AP3D1: variants seen among roughly 807,000 people sequenced by gnomAD.
AP3D1 encodes the protein adaptor related protein complex 3 subunit delta 1, also known as AP-3 complex subunit delta-1.
In AP3D1, 51 loss-of-function variants were observed where a neutral mutation model predicts 147.6. That is an observed-to-expected ratio of 0.35 (90% CI 0.28 to 0.44). The LOEUF (loss-of-function observed/expected upper bound fraction) is 0.44. AP3D1 is among the 20% of genes least tolerant of loss of function. The pLI is 1.00. For synonymous variants in AP3D1, 760 were observed against 663.0 expected (o/e 1.15, Z -2.25); for missense variants, 1,421 against 1,624.2 (o/e 0.87, Z 2.15).
At chr19:2,151,803 T>G (rs374589853), upstream of AP3D1, among the ~76,000 whole-genome samples, 134 of 152,368 alleles carry the variant, frequency 8.8e-4, no homozygotes, top group Middle Eastern at 0.014. Flanking sequence ...TCTTCCTAGT[T>G]CTGAGCCCTA....
intron 31 of AP3D1, 73 bp downstream of exon 31, chr19:2,108,613 TG>T (rs2145004798): frequency 7.0e-7 from 1 of 1,420,420 alleles, no homozygotes; most frequent in East Asian, 2.5e-5. Flanking sequence ...AGCGCGCCTC[TG>T]GGGATGAAGG....
chr19:2,150,498 T>G (rs1020015970), intron 1 of AP3D1, among the ~76,000 whole-genome samples: 7 of 152,204 alleles, frequency 4.6e-5, no homozygotes, highest in African/African-American at 1.2e-4. Context: ...GCTTTCAGGT[T>G]CCTACTTGAA....
chr19:2,123,504 C>A, intron 10 of AP3D1, 98 bp from the exon 11 acceptor site: 1 of 1,250,836 alleles, frequency 8.0e-7, no homozygotes, highest in East Asian at 2.4e-5. Flanking sequence ...GCCTAAGGCC[C>A]GGCGTCAGCC....
chr19:2,154,300 G>C (rs1440790613), upstream of AP3D1, among the ~76,000 whole-genome samples: 1 of 91,322 alleles, frequency 1.1e-5, no homozygotes, highest in Non-Finnish European at 2.2e-5. Flanking sequence ...TTTTTTTTTT[G>C]AGACAGTCTC....
chr19:2,151,427 G>A lies in AP3D1; in HGVS notation c.-93C>T, dbSNP rs2019509088. ...GTGCCTGCCGCCCGCGGAGCGCCGC[G>A]CTGCCGGCCGCTGCGGCGGGGCAAG... On this transcript the variant is annotated 5_prime_UTR_variant, in exon 1 of 32. Coordinates refer to ENST00000643116, the MANE Select transcript of AP3D1 (RefSeq NM_001261826.3). The A allele has an allele frequency of 2.6e-6, 2 of 756,750 alleles. No homozygotes were observed. The highest frequency in any genetic ancestry group is 3.3e-6 in the Non-Finnish European group (2 of 602,212). The allele number at this position is 756,750 out of a possible 1,614,324, so 46.9% of individuals were successfully genotyped here.
intron 1 of AP3D1, among the ~76,000 whole-genome samples, chr19:2,163,772 T>TG (rs1568319392): frequency 3.3e-5 from 5 of 150,798 alleles, no homozygotes; most frequent in African/African-American, 1.2e-4. Context: ...GTGCGTACGT[T>TG]CGTGCGTGCG....
In AP3D1 at chr19:2,110,762, C is replaced by T. The variant is rs961515446; in HGVS notation, c.3120G>A (p.Arg1040=). 8.7e-6 allele frequency: 14 copies of T among 1,612,068 alleles called. No homozygotes were observed. The highest frequency in any genetic ancestry group is 1.1e-5 in the South Asian group (1 of 90,898). ...VLDSLNARMA[R]PQGSSVHDGV... Reference sequence around the variant, plus strand: ...CATCGTGGACGGAGGAGCCCTGCGGCCGGGCCATCCTGGCATTGAGTGAGT... The same window carrying T: ...CATCGTGGACGGAGGAGCCCTGCGGTCGGGCCATCCTGGCATTGAGTGAGT... The change falls in exon 27 of 32, where the codon CGG becomes CGA. Residue 1040 remains arginine (R), a synonymous_variant. Transcript: ENST00000643116.
At position 2,110,388 on chromosome 19, in the gene AP3D1, G is replaced by A. The variant is rs116832294; in HGVS notation, c.3176-164C>T. ...ACAGGAGCAGAAACAAGAGGCTACT[G>A]GTGTCCCTAATTTGGCCTGGACTTG... On this transcript the variant is annotated intron_variant, in intron 27 of 31. Coordinates refer to ENST00000643116, the MANE Select transcript of AP3D1 (RefSeq NM_001261826.3). Among the ~76,000 whole-genome samples, 463 of 152,198 alleles carry A rather than the reference G, an allele frequency of 3.0e-3. 2 individuals carry two copies. Among genetic ancestry groups the A allele is most frequent in the Middle Eastern group, 0.014 (4 of 294 alleles).
At position 2,102,206 on chromosome 19, in the gene AP3D1, T is replaced by C. The variant is rs369183606; in HGVS notation, c.3615A>G (p.Leu1205=). The C allele has an allele frequency of 2.5e-5, 41 of 1,614,128 alleles. No homozygotes were observed. The African/African-American group carries it at 4.5e-4, about 18-fold the overall frequency. The part of the protein sequence containing the change: ...CSDSTLLSNL[L]EEMKATLAKC ...TGGCCAGCGTCGCCTTCATCTCTTC[T>C]AACAAGTTGCTCAGTAGCGTGGAGT... The change falls in exon 32 of 32, where the codon TTA becomes TTG. Residue 1205 remains leucine, a synonymous_variant. Transcript: ENST00000643116.
Position 2,163,073 on chromosome 19 carries a change from A to T in AP3D1, c.-103+1283T>A, listed in dbSNP as rs35309213. On this transcript the variant is annotated intron_variant, in intron 1 of 14. Coordinates refer to the AP3D1 transcript ENST00000643010. ...ATAGTTTAATTAAATTAATTAATTA[A>T]TTAATTAATTATTTTTTTGAGACGG... Among the ~76,000 whole-genome samples the T allele has an allele frequency of 3.7e-3, 557 of 152,066 alleles. 3 individuals carry two copies. The highest frequency in any genetic ancestry group is 7.1e-3 in the Admixed American group (109 of 15,246).
intron 24 of AP3D1, 165 bp from the exon 25 acceptor site, chr19:2,111,993 C>A: frequency 9.0e-7 from 1 of 1,117,266 alleles, no homozygotes; most frequent in Admixed American, 2.6e-5. Flanking sequence ...CAAGCTCAGG[C>A]CAGACCAGGC....
At chr19:2,148,909 G>A (rs866079675) in intron 1 of AP3D1, among the ~76,000 whole-genome samples, 1 of 152,172 alleles carries the variant, frequency 6.6e-6, no homozygotes, top group Non-Finnish European at 1.5e-5. Context: ...ACACTGTCTA[G>A]AGTCTTTGTT....
rs987371717 is a variant in AP3D1, at chr19:2,147,883, C to CA, written c.96+3355dup. On this transcript the variant is annotated intron_variant, in intron 1 of 31. Coordinates refer to ENST00000643116, the MANE Select transcript of AP3D1 (RefSeq NM_001261826.3). ...CTGGCGACAGAGCGAGACTTAGTCT[C>CA]AAAAAAAAAAAGAAAAAAAGGCTGG... 7.0e-3 allele frequency among the ~76,000 whole-genome samples: 626 copies of CA among 89,352 alleles called. 5 individuals carry two copies. Among genetic ancestry groups the CA allele is most frequent in the African/African-American group, 0.023 (521 of 22,952 alleles). The allele number at this position is 89,352 out of a possible 152,430, so 58.6% of individuals were successfully genotyped here.
At chr19:2,123,595 C>T (rs558129578) in intron 10 of AP3D1, among the ~76,000 whole-genome samples, 189 bp from the exon 11 acceptor site, 31 of 152,294 alleles carry the variant, frequency 2.0e-4, no homozygotes, top group Admixed American at 7.8e-4. Flanking sequence ...CTGCTTCCCA[C>T]GGGCGCTCTC....
chr19:2,163,670 A>C (rs1056763070), intron 1 of AP3D1, among the ~76,000 whole-genome samples: 3 of 152,066 alleles, frequency 2.0e-5, no homozygotes, highest in Non-Finnish European at 2.9e-5. Context: ...CGAACCCGCT[A>C]TCCGACGGGC....
intron 1 of AP3D1, among the ~76,000 whole-genome samples, chr19:2,143,439 G>A (rs145038180): frequency 0.042 from 6,317 of 151,080 alleles, 196 homozygotes; most frequent in East Asian, 0.14. Flanking sequence ...ACGGGATTTC[G>A]CCGTGTTAGC....
At chr19:2,152,203 G>T (rs577594787), upstream of AP3D1, among the ~76,000 whole-genome samples, 1 of 152,194 alleles carries the variant, frequency 6.6e-6, no homozygotes, top group South Asian at 2.1e-4. Flanking sequence ...GAGATATACT[G>T]AGTCCCTGCC....
intron 1 of AP3D1, among the ~76,000 whole-genome samples, chr19:2,149,127 A>G (rs2019438862): frequency 6.6e-6 from 1 of 152,164 alleles, no homozygotes; most frequent in South Asian, 2.1e-4. Flanking sequence ...GACCATAACA[A>G]TCGTCTTCCA....
chr19:2,106,022 G>A (rs948973411), intron 31 of AP3D1, among the ~76,000 whole-genome samples: 6 of 152,162 alleles, frequency 3.9e-5, no homozygotes, highest in Middle Eastern at 3.4e-3. Context: ...GCTTGAACCC[G>A]GGAGGAGCTG....
Sources: allele counts gnomAD v4.1 joint callset (sites outside exome capture counted in the v4.1 genomes callset), GRCh38; gene constraint gnomAD v4.1.1; transcripts MANE v1.5; gene names NCBI Gene and HGNC (gene_info 2026-07-23, HGNC 2026-07-21).